Variants in HK1 observed in about 807,000 individuals in gnomAD.
HK1 encodes hexokinase-1.
A neutral mutation model predicts 91.6 loss-of-function variants in HK1; 28 were observed. The observed-to-expected ratio is 0.31, with a 90% CI of 0.23 to 0.42. The LOEUF is 0.42. HK1 is among the 10% of genes least tolerant of loss of function. The pLI is 1.00. For synonymous variants in HK1, 430 were observed against 468.1 expected (o/e 0.92, Z 1.05); for missense variants, 770 against 1,219.8 (o/e 0.63, Z 5.49).
At chr10:69,384,101 A>G (rs551536647) in intron 10 of HK1, among the ~76,000 whole-genome samples, 2 of 152,212 alleles carry the variant, frequency 1.3e-5, no homozygotes, top group Non-Finnish European at 2.9e-5. Flanking sequence ...GTATTGTGAC[A>G]GGTGGTTTAC....
chr10:69,384,307 A>C lies in HK1; in HGVS notation c.1571-26A>C, dbSNP rs1372441222. 5.0e-6 allele frequency: 8 copies of C among 1,614,104 alleles called. No individual in the cohort carries two copies. In the Admixed American group the frequency reaches 8.3e-5, roughly 17 times the overall value. On this transcript the variant is annotated intron_variant, in intron 10 of 17. Coordinates refer to ENST00000359426, the MANE Select transcript of HK1 (RefSeq NM_000188.3). ...CAAGAGGCACTTAGCTGTTTTTGAC[A>C]TTCTTTACGCTTTTGACTGCAACAG...
chr10:69,358,880 AAAAG>A (rs1336801237), intron 2 of HK1, among the ~76,000 whole-genome samples: 34 of 151,832 alleles, frequency 2.2e-4, no homozygotes, highest in Non-Finnish European at 4.6e-4. Flanking sequence ...AAAAAAAAAA[AAAAG>A]GATGAAATTC....
intron 2 of HK1, among the ~76,000 whole-genome samples, chr10:69,344,643 G>A (rs950129558): frequency 1.8e-4 from 28 of 152,212 alleles, no homozygotes; most frequent in Non-Finnish European, 2.9e-5. Flanking sequence ...TTGGGGGAGG[G>A]CCCCCTGAGG....
chr10:69,275,415 A>T (rs185204630), intron 1 of HK1, among the ~76,000 whole-genome samples: 1,548 of 152,092 alleles, frequency 0.01, 13 homozygotes, highest in Non-Finnish European at 0.016. Context: ...AAATTTGTAC[A>T]TTTGTAATTT....
intron 7 of HK1, among the ~76,000 whole-genome samples, chr10:69,371,137 T>C (rs968942377): frequency 5.3e-5 from 8 of 152,212 alleles, no homozygotes; most frequent in Non-Finnish European, 1.0e-4. Context: ...TTTTCATCAA[T>C]GGCGAGCTCC....
At chr10:69,392,783 C>G (rs1839962975) in intron 15 of HK1, among the ~76,000 whole-genome samples, 1 of 152,160 alleles carries the variant, frequency 6.6e-6, no homozygotes, top group Non-Finnish European at 1.5e-5. Context: ...CCCTTTGTCT[C>G]AAGCCCCCAG....
intron 1 of HK1, among the ~76,000 whole-genome samples, chr10:69,320,480 C>T (rs1589477439): frequency 1.3e-5 from 2 of 152,166 alleles, no homozygotes; most frequent in African/African-American, 4.8e-5. Context: ...TTCCCTCTGG[C>T]CACTGACCTG....
chr10:69,374,471 C>T lies in HK1; in HGVS notation c.876-2463C>T, dbSNP rs1257220163. Among the ~76,000 whole-genome samples, 5 of 152,214 alleles carry T rather than the reference C, an allele frequency of 3.3e-5. No individual in the cohort carries two copies. In the East Asian group the frequency reaches 7.7e-4, roughly 23 times the overall value. On this transcript the variant is annotated intron_variant, in intron 7 of 17. Coordinates refer to ENST00000359426, the MANE Select transcript of HK1 (RefSeq NM_000188.3). Reference sequence around the variant, plus strand: ...GTTATCACAAGGAAAAGGGCCCGGGCGTTACCCGTTCAGTTATCACAGGTG... The same window carrying T: ...GTTATCACAAGGAAAAGGGCCCGGGTGTTACCCGTTCAGTTATCACAGGTG...
At chr10:69,322,506 G>A (rs1847096292) in intron 1 of HK1, among the ~76,000 whole-genome samples, 1 of 152,174 alleles carries the variant, frequency 6.6e-6, no homozygotes, top group Non-Finnish European at 1.5e-5. Flanking sequence ...AGGAAGACAG[G>A]GGAGAGTAGG....
intron 5 of HK1, chr10:69,300,985 CTGTAATCCCAGCACT>C: frequency 1.7e-6 from 1 of 590,870 alleles, no homozygotes; most frequent in Non-Finnish European, 3.2e-6. Flanking sequence ...TGGCTCACGC[CTGTAATCCCAGCACT>C]TTGGGAGGCT....
intron 1 of HK1, among the ~76,000 whole-genome samples, chr10:69,281,674 G>A (rs903385958): frequency 6.6e-5 from 10 of 152,174 alleles, no homozygotes; most frequent in Non-Finnish European, 1.0e-4. Flanking sequence ...GAGAATGTAA[G>A]CTCCATGAAG....
intron 1 of HK1, among the ~76,000 whole-genome samples, chr10:69,335,045 G>A (rs74926482): frequency 3.3e-4 from 50 of 152,298 alleles, no homozygotes; most frequent in African/African-American, 1.2e-3. Context: ...CAGGGTGCTG[G>A]GGGTTAGTGG....
intron 8 of HK1, 115 bp downstream of exon 8, chr10:69,377,204 T>C (rs1051501347): frequency 2.4e-5 from 30 of 1,252,194 alleles, no homozygotes; most frequent in Non-Finnish European, 3.2e-5. Context: ...GTGTCATGGC[T>C]TTCTGGGTCC....
chr10:69,375,877 C>T (rs1272965325), intron 7 of HK1, among the ~76,000 whole-genome samples: 3 of 152,208 alleles, frequency 2.0e-5, no homozygotes, highest in Non-Finnish European at 2.9e-5. Context: ...TATCTCTACA[C>T]CTGGCTGCCT....
intron 5 of HK1, among the ~76,000 whole-genome samples, chr10:69,302,043 C>G (rs138159124): frequency 0.044 from 6,622 of 152,024 alleles, 204 homozygotes; most frequent in Non-Finnish European, 0.07. Context: ...GTCAGGAGTT[C>G]GTGACCAGCC....
At position 69,369,227 on chromosome 10, in the gene HK1, C is replaced by T. The variant is rs750355459; in HGVS notation, c.592-10C>T. On this transcript the variant is annotated splice_polypyrimidine_tract_variant and intron_variant, in intron 5 of 17. Transcript: ENST00000359426. This position sits in a 1 kb window ranked among gnomAD's most constrained non-coding sequence, Gnocchi z 4.4. ...TGAGTGGACAATGACACCCCGTTAT[C>T]TGTCCCCAGGACTATGATGCCAACA... 2.0e-5 allele frequency: 32 copies of T among 1,601,876 alleles called. No homozygotes were observed. In the South Asian group the frequency reaches 2.5e-4, roughly 13 times the overall value.
chr10:69,285,356 G>A (rs905273000), intron 2 of HK1, among the ~76,000 whole-genome samples: 4 of 151,926 alleles, frequency 2.6e-5, no homozygotes, highest in Non-Finnish European at 5.9e-5. Flanking sequence ...CTCGGGAGGC[G>A]GAGCTTGCAG....
chr10:69,368,512 A>T (rs1393625836), intron 4 of HK1, 24 bp from the exon 5 acceptor site: 2 of 1,606,276 alleles, frequency 1.2e-6, no homozygotes, highest in Non-Finnish European at 1.7e-6. Flanking sequence ...GCCCTCATCC[A>T]GCCCCATCCA....
intron 1 of HK1, among the ~76,000 whole-genome samples, chr10:69,279,884 T>TTTC (rs1487635162): frequency 2.6e-5 from 4 of 152,198 alleles, no homozygotes; most frequent in African/African-American, 9.7e-5. Flanking sequence ...GTGCTTGAAG[T>TTTC]TTCTTTCACC....
Sources: allele counts gnomAD v4.1 joint callset (sites outside exome capture counted in the v4.1 genomes callset), GRCh38; gene constraint gnomAD v4.1.1; non-coding constraint Gnocchi (gnomAD v3.1); transcripts MANE v1.5; gene names NCBI Gene and HGNC (gene_info 2026-07-23, HGNC 2026-07-21).